The following HAPSTR1 variants were observed in gnomAD, a reference collection of about 807,000 sequenced individuals.
HAPSTR1 encodes HUWE1-associated protein modifying stress responses 1.
chr16:9,095,278 A>G, the HAPSTR1 span, among the ~76,000 whole-genome samples: 1 of 152,090 alleles, frequency 6.6e-6, no homozygotes, highest in Non-Finnish European at 1.5e-5. Context: ...TTTCTTTTTC[A>G]GGGTGTGGTC....
the HAPSTR1 span, among the ~76,000 whole-genome samples, chr16:9,114,720 A>G: frequency 6.6e-6 from 1 of 152,192 alleles, no homozygotes; most frequent in Non-Finnish European, 1.5e-5. Context: ...TAGGCTTGGA[A>G]GAGGATCAGA....
the HAPSTR1 span, among the ~76,000 whole-genome samples, chr16:9,095,164 G>T: frequency 6.6e-6 from 1 of 152,138 alleles, no homozygotes; most frequent in Admixed American, 6.5e-5. Context: ...CACATCCCTT[G>T]CCTAATAGAA....
At chr16:9,097,352 C>G in the HAPSTR1 span, among the ~76,000 whole-genome samples, 1 of 151,722 alleles carries the variant, frequency 6.6e-6, no homozygotes, top group African/African-American at 2.4e-5. Context: ...AAGTGATCCT[C>G]CCACCTCAGC....
the HAPSTR1 span, chr16:9,093,068 G>C: frequency 8.3e-6 from 12 of 1,442,512 alleles, no homozygotes; most frequent in South Asian, 1.4e-4. Context: ...TCTGCCCTGC[G>C]TTCCAAGTGT....
the HAPSTR1 span, among the ~76,000 whole-genome samples, chr16:9,092,691 T>G: frequency 6.6e-6 from 1 of 152,046 alleles, no homozygotes; most frequent in African/African-American, 2.4e-5. Context: ...TCGTCCCTGA[T>G]CTGTGCCCCT....
the HAPSTR1 span, among the ~76,000 whole-genome samples, chr16:9,094,284 G>C: frequency 6.6e-6 from 1 of 152,142 alleles, no homozygotes; most frequent in East Asian, 1.9e-4. Flanking sequence ...TCAGTGGTTA[G>C]CTTTGATTTT....
chr16:9,102,405 T>C, the HAPSTR1 span, among the ~76,000 whole-genome samples: 479 of 152,350 alleles, frequency 3.1e-3, 13 homozygotes, highest in Admixed American at 0.029. Context: ...TTGGGAATGG[T>C]TGAGTTACAG....
the HAPSTR1 span, among the ~76,000 whole-genome samples, chr16:9,093,270 A>G: frequency 4.3e-4 from 65 of 152,216 alleles, no homozygotes; most frequent in African/African-American, 1.5e-3. Context: ...CAGTGTATAG[A>G]GGCTGCTGAA....
At chr16:9,107,954 G>C in the HAPSTR1 span, 1 of 152,052 alleles carries the variant, frequency 6.6e-6, no homozygotes, top group Non-Finnish European at 1.5e-5. Context: ...ACAGAGGTCT[G>C]CTAAGTGAAT....
At chr16:9,117,843 CCTG>C in the HAPSTR1 span, 3 of 152,448 alleles carry the variant, frequency 2.0e-5, no homozygotes, top group Non-Finnish European at 4.4e-5. Flanking sequence ...TCATGGAGTC[CCTG>C]CTTAGTGCAG....
the HAPSTR1 span, among the ~76,000 whole-genome samples, chr16:9,113,529 G>A: frequency 4.6e-5 from 7 of 152,134 alleles, no homozygotes; most frequent in East Asian, 1.2e-3. Flanking sequence ...TATTAAACGT[G>A]CTGCCATGAG....
chr16:9,110,513 C>A, the HAPSTR1 span: 47 of 152,284 alleles, frequency 3.1e-4, no homozygotes, highest in African/African-American at 1.1e-3. Flanking sequence ...TGGCCCTATG[C>A]ATGCCAGAGT....
At chr16:9,102,162 G>A in the HAPSTR1 span, among the ~76,000 whole-genome samples, 2 of 152,150 alleles carry the variant, frequency 1.3e-5, no homozygotes, top group Non-Finnish European at 2.9e-5. Flanking sequence ...ATAGAGAAAT[G>A]TACACAGTAT....
At chr16:9,101,092 T>G in the HAPSTR1 span, among the ~76,000 whole-genome samples, 1 of 152,220 alleles carries the variant, frequency 6.6e-6, no homozygotes. Context: ...ATCCTTTATG[T>G]GGTGTGATAA....
chr16:9,116,533 A>G, the HAPSTR1 span: 110 of 1,154,012 alleles, frequency 9.5e-5, 2 homozygotes, highest in East Asian at 2.6e-3. Context: ...ATAAAACTTA[A>G]TTGCTTACTA....
the HAPSTR1 span, chr16:9,121,400 C>A: frequency 6.6e-6 from 1 of 152,212 alleles, no homozygotes; most frequent in Non-Finnish European, 1.5e-5. Context: ...AGCGCCTGTT[C>A]CCTTACATCG....
the HAPSTR1 span, chr16:9,092,979 C>T: frequency 2.5e-6 from 4 of 1,611,998 alleles, no homozygotes; most frequent in South Asian, 3.3e-5. Context: ...ACGCAGCCAC[C>T]GCCGTCACCA....
the HAPSTR1 span, chr16:9,108,090 C>T: frequency 6.6e-6 from 1 of 152,122 alleles, no homozygotes; most frequent in African/African-American, 2.4e-5. Flanking sequence ...ATTAGAACAA[C>T]TGAGACTTCC....
chr16:9,104,644 T>TG, the HAPSTR1 span: 8 of 152,340 alleles, frequency 5.3e-5, no homozygotes, highest in African/African-American at 1.9e-4. Flanking sequence ...AAACATGAAT[T>TG]GCAGGAAAGT....
Sources: allele counts gnomAD v4.1 joint callset (sites outside exome capture counted in the v4.1 genomes callset), GRCh38; gene constraint gnomAD v4.1.1; transcripts MANE v1.5; gene names NCBI Gene and HGNC (gene_info 2026-07-23, HGNC 2026-07-21).